The following PHLDB1 variants were observed in gnomAD, a reference collection of about 807,000 sequenced individuals.
The protein encoded by PHLDB1 is pleckstrin homology like domain family B member 1, also known as pleckstrin homology-like domain family B member 1.
Under a neutral mutation model 139.3 loss-of-function variants are expected in PHLDB1, and 65 were observed. The observed-to-expected ratio is 0.47, with a 90% CI of 0.38 to 0.57. The LOEUF is 0.57. Among genes scored for constraint, PHLDB1 ranks in the 20% least tolerant of loss-of-function variants. The pLI is 0.00. For missense variants in PHLDB1, 1,624 were observed against 1,839.7 expected, an observed-to-expected ratio of 0.88 and a Z score of 2.14; for synonymous variants, 679 against 734.5, an observed-to-expected ratio of 0.92 and a Z score of 1.22.
chr11:118,628,701 A>G, intron 6 of PHLDB1, 51 bp downstream of exon 6: 1 of 1,540,232 alleles, frequency 6.5e-7, no homozygotes. Flanking sequence ...AGTCTCTGCC[A>G]GGGCTCGAGC....
At chr11:118,624,894 G>C (rs782740237) in intron 4 of PHLDB1, 40 bp from the exon 5 acceptor site, 22 of 1,606,332 alleles carry the variant, frequency 1.4e-5, no homozygotes, top group Admixed American at 1.7e-5. Flanking sequence ...ACAGGTGTGA[G>C]CCACCACACC....
intron 20 of PHLDB1, chr11:118,652,399 C>T (rs1344768143): frequency 6.6e-6 from 1 of 152,174 alleles, no homozygotes; most frequent in Non-Finnish European, 1.5e-5. Flanking sequence ...TCTGGGACAT[C>T]TAGGTTTAGG....
rs376793465 is a variant in PHLDB1, at chr11:118,628,583, A to T, written c.1760A>T (p.Asp587Val). 6.2e-7 allele frequency: 1 copy of T among 1,612,860 alleles called. No homozygotes were observed. Among genetic ancestry groups the T allele is most frequent in the African/African-American group, 1.3e-5 (1 of 74,928 alleles). ...ATCACAGAGATCAGTGACAATGAGG[A>T]CGACCTCCTGGAGTACCACCGGCGA... ...NSITEISDNE[D>V]DLLEYHRRQR... is the part of the protein sequence containing the mutation. The change falls in exon 6 of 23, where the codon GAC (aspartate) becomes GTC (valine). Residue 587 changes from aspartate (D) to valine (V), a missense_variant. Transcript: ENST00000600882.
intron 10 of PHLDB1, chr11:118,636,734 C>G (rs868985772): frequency 6.6e-6 from 1 of 152,206 alleles, no homozygotes; most frequent in Non-Finnish European, 1.5e-5. Flanking sequence ...CACGTTCCTT[C>G]GACTGTACTG....
rs181915321 is a variant in PHLDB1 at position 118,610,052 on chromosome 11, T to C, written c.-22+2353T>C. 1.8e-3 allele frequency among the ~76,000 whole-genome samples: 273 copies of C among 149,964 alleles called. 3 individuals carry two copies. Among genetic ancestry groups the C allele is most frequent in the African/African-American group, 6.2e-3 (253 of 40,546 alleles). On this transcript the variant is annotated intron_variant, in intron 1 of 22. Coordinates refer to ENST00000600882, the MANE Select transcript of PHLDB1 (RefSeq NM_001144758.3). The surrounding 1 kb of genome is among the most constrained non-coding windows in gnomAD (Gnocchi z 8.7). ...GCCTCCCCTCCGCTGCCCTCGCGCA[T>C]CCCCAGTGTTCCCGTCTGTCGTCGC...
rs1236566546 is a variant in PHLDB1 at position 118,632,685 on chromosome 11, G to T, written c.2379+389G>T. ...CTGGAGAACATCTCCCTCCAAGCAT[G>T]CCACAAGTGCTTACGTTGTGATCTT... is the stretch of plus-strand genomic sequence containing the variant. On this transcript the variant is annotated intron_variant, in intron 9 of 22. Transcript: ENST00000600882. The surrounding 1 kb of genome is among the most constrained non-coding windows in gnomAD (Gnocchi z 5.9). 26 of 214,112 alleles carry T rather than the reference G, an allele frequency of 1.2e-4. No homozygotes were observed. Among genetic ancestry groups the T allele is most frequent in the Non-Finnish European group, 6.4e-5 (7 of 109,474 alleles). 13.3% of individuals were successfully genotyped at this position (214,112 alleles called of 1,614,324 possible). A position where few individuals can be genotyped will look rare whatever the true frequency, so the allele number is the denominator to read the frequency against.
chr11:118,648,665 G>A (rs1019744104), intron 18 of PHLDB1, among the ~76,000 whole-genome samples: 9 of 152,016 alleles, frequency 5.9e-5, no homozygotes, highest in East Asian at 3.8e-4. Context: ...GTTTCTCTTC[G>A]GGACAGAAAT....
intron 1 of PHLDB1, among the ~76,000 whole-genome samples, chr11:118,609,028 C>A (rs946985963): frequency 2.0e-5 from 3 of 147,024 alleles, no homozygotes; most frequent in Non-Finnish European, 4.5e-5. Flanking sequence ...CACACACACA[C>A]CCCAGTCAAA....
rs1450397229 is a variant in PHLDB1 at position 118,645,181 on chromosome 11, T to C, written c.3122-175T>C. On this transcript the variant is annotated intron_variant, in intron 15 of 22. Transcript: ENST00000600882. The surrounding 1 kb of genome is among the most constrained non-coding windows in gnomAD (Gnocchi z 5.1). The stretch of plus-strand genomic sequence containing the variant: ...GCCGGTTGTGCAGGCGACTGAAGCA[T>C]TGGCAGAGCAGCCAGGCCTGGAGCT... The C allele has an allele frequency of 2.0e-6, 1 of 508,168 alleles. No individual in the cohort carries two copies. The highest frequency in any genetic ancestry group is 3.7e-5 in the South Asian group (1 of 27,396). 31.5% of individuals were successfully genotyped at this position (508,168 alleles called of 1,614,324 possible). A position where few individuals can be genotyped will look rare whatever the true frequency, so the allele number is the denominator to read the frequency against.
intron 17 of PHLDB1, among the ~76,000 whole-genome samples, chr11:118,646,119 G>A (rs1414277048): frequency 2.0e-5 from 3 of 152,042 alleles, no homozygotes; most frequent in Non-Finnish European, 4.4e-5. Context: ...AATTAGCTGG[G>A]CGTGGTGGCA....
chr11:118,614,272 C>T (rs1372252833), intron 2 of PHLDB1, among the ~76,000 whole-genome samples: 1 of 109,418 alleles, frequency 9.1e-6, no homozygotes, highest in Non-Finnish European at 1.8e-5. Flanking sequence ...TTATCCAATG[C>T]CACCCCCACC....
rs7126975 is a variant in PHLDB1, at chr11:118,654,397, T to C, written c.3875-1208T>C. On this transcript the variant is annotated intron_variant, in intron 20 of 22. Coordinates refer to ENST00000600882, the MANE Select transcript of PHLDB1 (RefSeq NM_001144758.3). ...GGAGTGTGCTTCCTATCTTTTTTTT[T>C]AAAAAATAGGTAAAAGTATTCATAT... 28 of 151,984 alleles carry C rather than the reference T, an allele frequency of 1.8e-4. 1 individual carries two copies. The highest frequency in any genetic ancestry group is 4.1e-4 in the Non-Finnish European group (28 of 68,004). The allele number at this position is 151,984 out of a possible 1,614,324, so 9.4% of individuals were successfully genotyped here.
rs567701731 is a variant in PHLDB1 at position 118,644,579 on chromosome 11, G to A, written c.3121+405G>A. The A allele has an allele frequency of 2.6e-5, 27 of 1,051,012 alleles. No homozygotes were observed. The East Asian group carries it at 1.3e-3, about 52-fold the overall frequency. The allele number at this position is 1,051,012 out of a possible 1,614,324, so 65.1% of individuals were successfully genotyped here. Reference sequence around the variant, plus strand: ...TTGGTTGTTTTGAAAGCCCATGTCTGTGCCTCTCTCTCCTCTTACCCCCTC... The same window carrying A: ...TTGGTTGTTTTGAAAGCCCATGTCTATGCCTCTCTCTCCTCTTACCCCCTC... On this transcript the variant is annotated intron_variant, in intron 15 of 22. Coordinates refer to ENST00000600882, the MANE Select transcript of PHLDB1 (RefSeq NM_001144758.3).
chr11:118,647,353 AT>A (rs1224610782), intron 17 of PHLDB1: 1 of 152,364 alleles, frequency 6.6e-6, no homozygotes, highest in Non-Finnish European at 1.5e-5. Context: ...ATCTAATTTC[AT>A]TTTCACTATA....
chr11:118,617,937 C>T (rs1445505983), intron 4 of PHLDB1, among the ~76,000 whole-genome samples: 7 of 152,072 alleles, frequency 4.6e-5, no homozygotes, highest in African/African-American at 1.7e-4. Flanking sequence ...GAAGGCCCAG[C>T]ACTTACCACC....
chr11:118,647,104 G>T (rs1186752401), intron 17 of PHLDB1: 3 of 152,160 alleles, frequency 2.0e-5, no homozygotes, highest in African/African-American at 7.2e-5. Flanking sequence ...TATAAGTTCA[G>T]TTCTGACCTT....
intron 1 of PHLDB1, among the ~76,000 whole-genome samples, chr11:118,609,604 G>A (rs1939776270): frequency 6.6e-6 from 1 of 152,172 alleles, no homozygotes; most frequent in South Asian, 2.1e-4. Flanking sequence ...ACATTCAGCC[G>A]CCCTTCCCGC....
chr11:118,638,852 G>T, intron 10 of PHLDB1, 39 bp from the exon 11 acceptor site: 1 of 1,499,700 alleles, frequency 6.7e-7, no homozygotes, highest in Non-Finnish European at 9.1e-7. Context: ...GCTCAGCCCT[G>T]TCTCCCCAGG....
rs938186204 is a variant in PHLDB1, at chr11:118,611,715, C to T, written c.-21-2101C>T. 9.2e-5 allele frequency among the ~76,000 whole-genome samples: 14 copies of T among 151,808 alleles called. No homozygotes were observed. Among genetic ancestry groups the T allele is most frequent in the Admixed American group, 7.9e-4 (12 of 15,240 alleles). ...TACTAAAAATACAAAATTAGCTGGG[C>T]TTGGTGGCAGGAGAATCGCTTGAAC... On this transcript the variant is annotated intron_variant, in intron 1 of 22. Coordinates refer to ENST00000600882, the MANE Select transcript of PHLDB1 (RefSeq NM_001144758.3). This position sits in a 1 kb window ranked among gnomAD's most constrained non-coding sequence, Gnocchi z 4.7.
Sources: gnomAD v4.1 joint callset for allele counts (sites outside exome capture counted in the v4.1 genomes callset) on GRCh38, gnomAD v4.1.1 for gene constraint, Gnocchi (gnomAD v3.1) non-coding constraint, MANE v1.5 for transcripts, NCBI Gene and HGNC (gene_info 2026-07-23, HGNC 2026-07-21) for gene names.